CDH23: variants seen among roughly 807,000 people sequenced by gnomAD.
CDH23 encodes cadherin-23.
A neutral mutation model predicts 317.1 loss-of-function variants in CDH23; 189 were observed. That is an observed-to-expected ratio of 0.60 (90% confidence interval 0.53 to 0.67). CDH23 has a LOEUF of 0.67. Among genes scored for constraint, CDH23 ranks in the 30% least tolerant of loss-of-function variants. The probability of loss-of-function intolerance (pLI) is 0.00; values close to 1 mark genes in which losing one functional copy is unlikely to be tolerated. For synonymous variants in CDH23, 1,839 were observed against 1,876.8 expected, an observed-to-expected ratio of 0.98 and a Z score of 0.52; for missense variants, 4,401 against 4,592.4, an observed-to-expected ratio of 0.96 and a Z score of 1.20.
intron 38 of CDH23, among the ~76,000 whole-genome samples, chr10:71,743,023 A>G (rs77552877): frequency 0.031 from 4,672 of 152,214 alleles, 113 homozygotes; most frequent in East Asian, 0.086. Flanking sequence ...GCCTGTTCTT[A>G]TGGGGCTGGA....
chr10:71,463,808 G>T (rs571158259), intron 3 of CDH23, among the ~76,000 whole-genome samples: 2 of 152,176 alleles, frequency 1.3e-5, no homozygotes, highest in Admixed American at 6.5e-5. Flanking sequence ...CTCCATCTGG[G>T]CAGTGTCCTG....
intron 38 of CDH23, among the ~76,000 whole-genome samples, chr10:71,758,265 G>T (rs76072578): frequency 6.6e-6 from 1 of 152,182 alleles, no homozygotes; most frequent in Non-Finnish European, 1.5e-5. Context: ...TGTTGGGTCC[G>T]TGGTTTAGCT....
chr10:71,591,074 TTGC>T (rs1700108821), intron 9 of CDH23, among the ~76,000 whole-genome samples: 2 of 151,640 alleles, frequency 1.3e-5, no homozygotes, highest in African/African-American at 4.8e-5. Flanking sequence ...GCTTGAGGAT[TTGC>T]TACAGAGGTA....
intron 38 of CDH23, chr10:71,761,820 G>A: frequency 6.2e-7 from 1 of 1,614,164 alleles, no homozygotes; most frequent in South Asian, 1.1e-5. Context: ...TGCAGGTGAA[G>A]GTCCTGGAAC....
intron 3 of CDH23, among the ~76,000 whole-genome samples, chr10:71,505,288 C>T (rs1013783069): frequency 3.3e-5 from 5 of 152,164 alleles, no homozygotes; most frequent in Non-Finnish European, 5.9e-5. Flanking sequence ...CTACCTTATC[C>T]ACAGAGCTCT....
In CDH23 at chr10:71,807,127, T is replaced by C. The variant is rs778736382; in HGVS notation, c.8179-150T>C. 1.1e-5 allele frequency: 11 copies of C among 1,012,232 alleles called. No individual in the cohort carries two copies. In the Admixed American group the frequency reaches 2.0e-4, roughly 18 times the overall value. The allele number at this position is 1,012,232 out of a possible 1,614,324, so 62.7% of individuals were successfully genotyped here. ...GGTCCGCGGGCCATGCTTTGCTCCC[T>C]TGAGGTTACAACGGTTCTACTCACC... On this transcript the variant is annotated intron_variant, in intron 57 of 69. Transcript: ENST00000224721.
chr10:71,814,260 A>T (rs1360983458), intron 69 of CDH23, among the ~76,000 whole-genome samples: 11 of 152,228 alleles, frequency 7.2e-5, no homozygotes, highest in Admixed American at 7.2e-4. Flanking sequence ...ATAAAATTAA[A>T]GATTCTCAGC....
intron 9 of CDH23, among the ~76,000 whole-genome samples, chr10:71,600,806 A>G (rs1860172607): frequency 6.6e-6 from 1 of 152,164 alleles, no homozygotes; most frequent in Non-Finnish European, 1.5e-5. Context: ...TTGAGCCACC[A>G]TGCCCGGCAG....
chr10:71,435,600 G>C (rs1273439223), intron 1 of CDH23, among the ~76,000 whole-genome samples: 1 of 152,170 alleles, frequency 6.6e-6, no homozygotes, highest in East Asian at 1.9e-4. Context: ...CAGGTCTCTG[G>C]CACCTATCCC....
Position 71,694,198 on chromosome 10 carries a change from T to G in CDH23, c.2228T>G (p.Ile743Ser). Residue 743 changes from isoleucine to serine, a missense_variant, in exon 21 of 70, where the codon ATC (isoleucine) becomes AGC (serine). Coordinates refer to ENST00000224721, the MANE Select transcript of CDH23 (RefSeq NM_022124.6). Reference sequence around the variant, plus strand: ...GACCGAGAGACCAAGTCTGAATACATCCTCATCGTTCGCGCAGTGGACGGG... The same window carrying G: ...GACCGAGAGACCAAGTCTGAATACAGCCTCATCGTTCGCGCAGTGGACGGG... Reference protein sequence around the residue: ...LLDRETKSEYILIVRAVDGGV... With the variant: ...LLDRETKSEYSLIVRAVDGGV... 1 of 1,613,474 alleles carries G rather than the reference T, an allele frequency of 6.2e-7. No individual in the cohort carries two copies. The highest frequency in any genetic ancestry group is 1.1e-5 in the South Asian group (1 of 91,038).
intron 61 of CDH23, 103 bp from the exon 62 acceptor site, chr10:71,810,369 T>G (rs939556284): frequency 4.7e-6 from 5 of 1,052,740 alleles, no homozygotes; most frequent in Non-Finnish European, 7.3e-6. Context: ...TAGTGAAGGG[T>G]CTATTTGCAG....
chr10:71,790,877 C>A, intron 46 of CDH23: 1 of 561,390 alleles, frequency 1.8e-6, no homozygotes, highest in Non-Finnish European at 3.2e-6. Context: ...GGTCACTCTT[C>A]CCAGGCAAGA....
At chr10:71,457,660 C>G (rs1263065880) in intron 3 of CDH23, among the ~76,000 whole-genome samples, 1 of 152,226 alleles carries the variant, frequency 6.6e-6, no homozygotes, top group Admixed American at 6.5e-5. Context: ...GGGGCCGGTG[C>G]CTGAGTCCCA....
intron 38 of CDH23, among the ~76,000 whole-genome samples, chr10:71,767,364 G>C (rs536049801): frequency 6.6e-6 from 1 of 152,180 alleles, no homozygotes; most frequent in South Asian, 2.1e-4. Flanking sequence ...TTGGTTAGTC[G>C]GGCCTAGGAA....
At chr10:71,625,453 A>G (rs1424838709) in intron 11 of CDH23, among the ~76,000 whole-genome samples, 2 of 86,262 alleles carry the variant, frequency 2.3e-5, no homozygotes, top group Admixed American at 3.1e-4. Context: ...ATATTCCTGA[A>G]TGCTGGGGGG....
rs564161575 is a variant in CDH23 at position 71,677,547 on chromosome 10, C to T, written c.1606C>T (p.Arg536Trp). The change falls in exon 16 of 70, where the codon CGG becomes TGG. Residue 536 changes from arginine to tryptophan, a missense_variant. This residue lies in a region of CDH23 where 3,068 missense variants were observed against 3,203.3 expected (regional missense o/e 0.96). Coordinates refer to ENST00000224721, the MANE Select transcript of CDH23 (RefSeq NM_022124.6). ...IQRFTLTIIA[R>W]DGGGEETTGR... ...GCGCTTCACCCTGACGATCATTGCCCGGGACGGGGGCGGCGAGGAGACCAC... is the reference window on the plus strand; with the variant it reads ...GCGCTTCACCCTGACGATCATTGCCTGGGACGGGGGCGGCGAGGAGACCAC... 3.7e-6 allele frequency: 6 copies of T among 1,611,878 alleles called. No homozygotes were observed. The highest frequency in any genetic ancestry group is 1.1e-5 in the South Asian group (1 of 90,294).
chr10:71,523,933 A>G (rs1854861677), intron 6 of CDH23, among the ~76,000 whole-genome samples: 2 of 152,174 alleles, frequency 1.3e-5, no homozygotes, highest in East Asian at 1.9e-4. Context: ...GTGGTCCCCA[A>G]GGGCACTAGG....
intron 1 of CDH23, among the ~76,000 whole-genome samples, chr10:71,404,691 G>C (rs1167240395): frequency 1.3e-5 from 2 of 152,338 alleles, no homozygotes; most frequent in East Asian, 1.9e-4. Flanking sequence ...TTGTCTTTCA[G>C]ACCCCAGCAG....
chr10:71,807,246 C>T, intron 57 of CDH23, 31 bp from the exon 58 acceptor site: 2 of 1,609,220 alleles, frequency 1.2e-6, no homozygotes, highest in Non-Finnish European at 1.7e-6. Context: ...TTCCCTTGGC[C>T]CCATGTGATG....
Sources: allele counts gnomAD v4.1 joint callset (sites outside exome capture counted in the v4.1 genomes callset), GRCh38; gene constraint gnomAD v4.1.1; regional missense constraint gnomAD v4.1.1; transcripts MANE v1.5; gene names NCBI Gene and HGNC (gene_info 2026-07-23, HGNC 2026-07-21).